NFATC2: variants seen among roughly 807,000 people sequenced by gnomAD.
The protein encoded by NFATC2 is nuclear factor of activated T cells 2.
In NFATC2, 22 loss-of-function variants were observed where a neutral mutation model predicts 87.3. The ratio of observed to expected loss-of-function variants is 0.25; its 90% CI spans 0.18 to 0.36. The LOEUF is 0.36. Ranked by LOEUF, NFATC2 falls within the 10% of genes least tolerant of loss-of-function variation. The pLI is 1.00. For missense variants in NFATC2, 1,149 were observed against 1,259.1 expected, an observed-to-expected ratio of 0.91 and a Z score of 1.32; for synonymous variants, 565 against 542.2, an observed-to-expected ratio of 1.04 and a Z score of -0.58.
rs531307563 is a variant in NFATC2, at chr20:51,512,051, C to A, written c.1332+4733G>T. ...TCAGGGCCTTTGCATGTGCTGTGCT[C>A]TGTGTGTAGAACACTCTCCCCCGAC... On this transcript the variant is annotated intron_variant, in intron 3 of 10. Transcript: ENST00000371564. Among the ~76,000 whole-genome samples the A allele has an allele frequency of 2.6e-5, 4 of 152,158 alleles. No homozygotes were observed. The South Asian group carries it at 6.2e-4, about 24-fold the overall frequency.
chr20:51,471,083 GA>G (rs2146499360), intron 5 of NFATC2, among the ~76,000 whole-genome samples: 2 of 152,280 alleles, frequency 1.3e-5, no homozygotes, highest in South Asian at 4.2e-4. Context: ...TTTTTAAAAA[GA>G]AAAGAAAACA....
At chr20:51,509,136 G>A (rs2076232884) in intron 3 of NFATC2, among the ~76,000 whole-genome samples, 1 of 151,978 alleles carries the variant, frequency 6.6e-6, no homozygotes, top group African/African-American at 2.4e-5. Flanking sequence ...CAGCTTCCAC[G>A]TGGGCACCTC....
chr20:51,480,488 G>C lies in NFATC2; in HGVS notation c.1333-4828C>G, dbSNP rs1013843194. ...TGAGTTGAAGAGCAGCCTCTGGGTT[G>C]AGCTGGGCTGGCTTATACAATGTGA... On this transcript the variant is annotated intron_variant, in intron 3 of 10. Transcript: ENST00000371564. The surrounding 1 kb of genome is among the most constrained non-coding windows in gnomAD (Gnocchi z 4.2). Among the ~76,000 whole-genome samples the C allele has an allele frequency of 1.3e-5, 2 of 152,210 alleles. No homozygotes were observed. Among genetic ancestry groups the C allele is most frequent in the African/African-American group, 2.4e-5 (1 of 41,436 alleles).
At chr20:51,454,024 ATTGGCT>A (rs1986116117) in intron 6 of NFATC2, among the ~76,000 whole-genome samples, 1 of 152,218 alleles carries the variant, frequency 6.6e-6, no homozygotes. Flanking sequence ...GCCAATATTA[ATTGGCT>A]TATGCTGTAC....
chr20:51,482,066 T>C (rs565551920), intron 3 of NFATC2, among the ~76,000 whole-genome samples: 1 of 152,234 alleles, frequency 6.6e-6, no homozygotes, highest in South Asian at 2.1e-4. Flanking sequence ...GCCCTGTTTG[T>C]TTCTTCTGTT....
chr20:51,562,003 A>G lies in NFATC2; in HGVS notation c.70+557T>C, dbSNP rs1383559901. Reference sequence around the variant, plus strand: ...ATGGTACATTGCACTTTAAAGGGGTAGCTGGAGGACTCTATCCAGCAGGCA... The same window carrying G: ...ATGGTACATTGCACTTTAAAGGGGTGGCTGGAGGACTCTATCCAGCAGGCA... On this transcript the variant is annotated intron_variant, in intron 1 of 10. Coordinates refer to the NFATC2 transcript ENST00000414705. The surrounding 1 kb of genome is among the most constrained non-coding windows in gnomAD (Gnocchi z 5.8). 6.6e-6 allele frequency among the ~76,000 whole-genome samples: 1 copy of G among 152,194 alleles called. No individual in the cohort carries two copies. Among genetic ancestry groups the G allele is most frequent in the Non-Finnish European group, 1.5e-5 (1 of 68,046 alleles).
At chr20:51,501,018 AG>A (rs753725133) in intron 3 of NFATC2, among the ~76,000 whole-genome samples, 64 of 150,810 alleles carry the variant, frequency 4.2e-4, no homozygotes, top group Non-Finnish European at 7.5e-4. Context: ...AATGAAAATG[AG>A]CTGGCAACCA....
At position 51,388,489 on chromosome 20, in the gene NFATC2, T is replaced by C. The variant is rs1349156015; in HGVS notation, c.*3007A>G. 7.5e-6 allele frequency: 1 copy of C among 132,764 alleles called. No homozygotes were observed. The highest frequency in any genetic ancestry group is 7.6e-5 in the Admixed American group (1 of 13,086). 8.2% of individuals were successfully genotyped at this position (132,764 alleles called of 1,614,324 possible). ...GAATGAGTAACAAATGTTTCAAGAA[T>C]ACATCATTTCTCTTAAGAAAAAAAA... On this transcript the variant is annotated 3_prime_UTR_variant, in exon 11 of 11. Coordinates refer to ENST00000371564, the MANE Select transcript of NFATC2 (RefSeq NM_012340.5).
chr20:51,472,618 T>TC (rs1436204201), intron 5 of NFATC2, among the ~76,000 whole-genome samples: 2 of 149,988 alleles, frequency 1.3e-5, no homozygotes, highest in Non-Finnish European at 3.0e-5. Context: ...CTTATTTTTT[T>TC]CTTCTTTCTT....
At chr20:51,448,424 G>T (rs556014677) in intron 6 of NFATC2, among the ~76,000 whole-genome samples, 6 of 152,184 alleles carry the variant, frequency 3.9e-5, no homozygotes, top group Admixed American at 2.6e-4. Context: ...GGCAGATTAC[G>T]AGGTCAGGAG....
At chr20:51,458,847 G>A (rs775209978) in intron 5 of NFATC2, among the ~76,000 whole-genome samples, 2 of 152,092 alleles carry the variant, frequency 1.3e-5, no homozygotes, top group Non-Finnish European at 2.9e-5. Context: ...ATTACAAGAG[G>A]CCACAGCCAG....
rs1051138173 is a variant in NFATC2, at chr20:51,466,078, A to T, written c.1708+7902T>A. Among the ~76,000 whole-genome samples the T allele has an allele frequency of 6.6e-5, 10 of 152,158 alleles. No homozygotes were observed. In the East Asian group the frequency reaches 1.9e-3, roughly 30 times the overall value. ...AATTCTTTTGTTTGTTTTGAGATGG[A>T]GTCTCACTCTGTCGCCCAGGCTGGA... On this transcript the variant is annotated intron_variant, in intron 5 of 10. Coordinates refer to ENST00000371564, the MANE Select transcript of NFATC2 (RefSeq NM_012340.5).
At chr20:51,415,245 C>CAAAAA (rs33978165) in intron 9 of NFATC2, among the ~76,000 whole-genome samples, 1 of 136,576 alleles carries the variant, frequency 7.3e-6, no homozygotes. Flanking sequence ...GACCCTGTAT[C>CAAAAA]AAAAAAAAAA....
At chr20:51,436,731 CAAACAAACAAAT>C (rs1464045432) in intron 6 of NFATC2, among the ~76,000 whole-genome samples, 3 of 151,898 alleles carry the variant, frequency 2.0e-5, no homozygotes, top group South Asian at 2.1e-4. Context: ...AACAAACAAA[CAAACAAACAAAT>C]AAATAAGTAA....
chr20:51,423,424 G>A (rs1438323733), intron 9 of NFATC2, among the ~76,000 whole-genome samples: 1 of 151,232 alleles, frequency 6.6e-6, no homozygotes, highest in Non-Finnish European at 1.5e-5. Flanking sequence ...ATCCTGAAAT[G>A]AGTGAGGTAG....
chr20:51,428,072 T>C (rs1177602360), intron 9 of NFATC2, among the ~76,000 whole-genome samples: 1 of 151,390 alleles, frequency 6.6e-6, no homozygotes, highest in Non-Finnish European at 1.5e-5. Flanking sequence ...GACAGAGAAG[T>C]CAAGGGTCAA....
At chr20:51,405,104 G>T (rs1437930919) in intron 9 of NFATC2, among the ~76,000 whole-genome samples, 2 of 152,182 alleles carry the variant, frequency 1.3e-5, no homozygotes, top group Non-Finnish European at 2.9e-5. Context: ...CCCCAAGATG[G>T]CAAGAGGAGC....
At chr20:51,551,117 G>A (rs1336611649) in intron 1 of NFATC2, among the ~76,000 whole-genome samples, 5 of 152,220 alleles carry the variant, frequency 3.3e-5, no homozygotes, top group Admixed American at 2.6e-4. Context: ...CACTCTAGGT[G>A]TTAATATATA....
At position 51,523,847 on chromosome 20, in the gene NFATC2, C is replaced by T. The variant is rs1236071141; in HGVS notation, c.394G>A (p.Asp132Asn). Reference protein sequence around the residue: ...IQAVGPLRMRDAGLLVEQPPL... With the variant: ...IQAVGPLRMRNAGLLVEQPPL... ...GGCTGCTCCACCAGGAGGCCCGCGT[C>T]TCTCATGCGGAGGGGCCCCACTGCC... Residue 132 changes from aspartate to asparagine, a missense_variant, in exon 2 of 11, where the codon GAC becomes AAC. Asp to Asn is a conservative substitution (Grantham distance 23, BLOSUM62 1). Transcript: ENST00000371564. This position sits in a 1 kb window ranked among gnomAD's most constrained non-coding sequence, Gnocchi z 6.9. The T allele has an allele frequency of 6.2e-7, 1 of 1,610,822 alleles. No homozygotes were observed. The highest frequency in any genetic ancestry group is 8.5e-7 in the Non-Finnish European group (1 of 1,178,542).
Sources: allele counts gnomAD v4.1 joint callset (sites outside exome capture counted in the v4.1 genomes callset), GRCh38; gene constraint gnomAD v4.1.1; non-coding constraint Gnocchi (gnomAD v3.1); transcripts MANE v1.5; gene names NCBI Gene and HGNC (gene_info 2026-07-23, HGNC 2026-07-21).